RPL32: variants seen among roughly 807,000 people sequenced by gnomAD.
The protein encoded by RPL32 is ribosomal protein L32, also known as large ribosomal subunit protein eL32.
For missense variants in RPL32, 117 were observed against 173.7 expected (o/e 0.67, Z 1.83); for synonymous variants, 61 against 62.6 (o/e 0.98, Z 0.12).
At position 12,834,661 on chromosome 3, in the gene RPL32, C is replaced by G. The variant is rs954557402; in HGVS notation, c.*1433G>C. The G allele has an allele frequency of 6.6e-5, 10 of 152,438 alleles. No individual in the cohort carries two copies. Among genetic ancestry groups the G allele is most frequent in the African/African-American group, 2.4e-4 (10 of 41,440 alleles). The allele number at this position is 152,438 out of a possible 1,614,324, so 9.4% of individuals were successfully genotyped here. ...AATGGGCATCTTCCATGCCACCACCCAGGCATAACCAGTTGGTTTGTTTCC... is the reference window on the plus strand; with the variant it reads ...AATGGGCATCTTCCATGCCACCACCGAGGCATAACCAGTTGGTTTGTTTCC... On this transcript the variant is annotated 3_prime_UTR_variant, in exon 4 of 4. Transcript: ENST00000429711.
chr3:12,839,287 A>G (rs2062126008), intron 3 of RPL32, 62 bp downstream of exon 3: 6 of 1,492,068 alleles, frequency 4.0e-6, no homozygotes, highest in Non-Finnish European at 5.6e-6. Flanking sequence ...AGTTCCTGCC[A>G]GAAGTGCTCA....
chr3:12,839,569 A>T lies in RPL32; in HGVS notation c.97-39T>A. The T allele has an allele frequency of 4.4e-6, 7 of 1,599,616 alleles. No individual in the cohort carries two copies. The Admixed American group carries it at 1.2e-4, about 27-fold the overall frequency. On this transcript the variant is annotated intron_variant, in intron 2 of 3. Coordinates refer to ENST00000429711, the MANE Select transcript of RPL32 (RefSeq NM_000994.4). ...TACACAGGTGGGTTAGCGTCTGTGC[A>T]GAGTGCGAACTCTTCCTTTTGGGGA...
rs1317620057 is a variant in RPL32 at position 12,834,916 on chromosome 3, AATG to A, written c.*1175_*1177del. 6.6e-6 allele frequency: 1 copy of A among 152,066 alleles called. No homozygotes were observed. The highest frequency in any genetic ancestry group is 1.5e-5 in the Non-Finnish European group (1 of 68,004). The allele number at this position is 152,066 out of a possible 1,614,324, so 9.4% of individuals were successfully genotyped here. ...CACTGCACTCCAGCCGGGGTGACAG[AATG>A]AGTCTCAAAAACAAAATCCCAAAAA... On this transcript the variant is annotated 3_prime_UTR_variant, in exon 4 of 4. Transcript: ENST00000429711.
At position 12,836,048 on chromosome 3, in the gene RPL32, G is replaced by A; in HGVS notation, c.*46C>T. On this transcript the variant is annotated 3_prime_UTR_variant, in exon 4 of 4. Transcript: ENST00000429711. The stretch of plus-strand genomic sequence containing the variant: ...AAATCAAGGAAGGAAGATGCCAGAT[G>A]GCAGTTTTTACATTTATTTAAACAG... The A allele has an allele frequency of 6.2e-7, 1 of 1,600,566 alleles. No homozygotes were observed.
rs962379065 is a variant in RPL32, at chr3:12,835,618, T to C, written c.*476A>G. The C allele has an allele frequency of 1.2e-5, 2 of 160,578 alleles. No individual in the cohort carries two copies. Among genetic ancestry groups the C allele is most frequent in the Admixed American group, 1.2e-4 (2 of 16,790 alleles). The allele number at this position is 160,578 out of a possible 1,614,324, so 9.9% of individuals were successfully genotyped here. On this transcript the variant is annotated 3_prime_UTR_variant, in exon 4 of 4. Transcript: ENST00000429711. ...AATTTGTACATCATCCTGTTCTTTT[T>C]GGACAGAAGTTACAGGATGCAATTT...
intron 3 of RPL32, among the ~76,000 whole-genome samples, chr3:12,837,282 A>G (rs2062107353): frequency 6.6e-6 from 1 of 151,492 alleles, no homozygotes; most frequent in African/African-American, 2.4e-5. Context: ...GCACTCTACA[A>G]TTCTCTCATT....
Position 12,840,175 on chromosome 3 carries a change from G to T in RPL32, c.63C>A (p.Ile21=). The change falls in exon 2 of 4, where the codon ATC becomes ATA. Residue 21 remains isoleucine, a synonymous_variant. Coordinates refer to ENST00000429711, the MANE Select transcript of RPL32 (RefSeq NM_000994.4). ...TGACATATCGGTCTGACTGGTGCCG[G>T]ATGAACTTCTTGGTTCTCTTTTTGA... The part of the protein sequence containing the change: ...KIVKKRTKKF[I]RHQSDRYVKI... 6.2e-7 allele frequency: 1 copy of T among 1,614,036 alleles called. No homozygotes were observed. The highest frequency in any genetic ancestry group is 8.5e-7 in the Non-Finnish European group (1 of 1,179,880).
Position 12,835,058 on chromosome 3 carries a change from T to A in RPL32, c.*1036A>T, listed in dbSNP as rs2062088713. The A allele has an allele frequency of 6.6e-6, 1 of 152,248 alleles. No homozygotes were observed. Among genetic ancestry groups the A allele is most frequent in the Non-Finnish European group, 1.5e-5 (1 of 68,044 alleles). The allele number at this position is 152,248 out of a possible 1,614,324, so 9.4% of individuals were successfully genotyped here. ...TTTATTATACCCAGCGCAGCATTTCTGCTAAGTTGACCAGGATGGTTACAG... is the reference window on the plus strand; with the variant it reads ...TTTATTATACCCAGCGCAGCATTTCAGCTAAGTTGACCAGGATGGTTACAG... On this transcript the variant is annotated 3_prime_UTR_variant, in exon 4 of 4. Coordinates refer to ENST00000429711, the MANE Select transcript of RPL32 (RefSeq NM_000994.4).
At chr3:12,838,913 C>T (rs1458092750) in intron 3 of RPL32, 5 of 221,894 alleles carry the variant, frequency 2.3e-5, no homozygotes, top group Non-Finnish European at 4.5e-5. Context: ...GACACATATT[C>T]TTAGGGTCTC....
chr3:12,836,442 A>G (rs1372883503), intron 3 of RPL32, among the ~76,000 whole-genome samples: 1 of 152,168 alleles, frequency 6.6e-6, no homozygotes, highest in Non-Finnish European at 1.5e-5. Context: ...TCTCATCCTT[A>G]TAGCAGCCTT....
chr3:12,839,077 G>A, intron 3 of RPL32: 1 of 530,264 alleles, frequency 1.9e-6, no homozygotes, highest in Non-Finnish European at 3.4e-6. Context: ...AGTGGAAAGT[G>A]GCTATTATTG....
rs1553640300 is a variant in RPL32 at position 12,839,596 on chromosome 3, G to A, written c.97-66C>T. 8.9e-6 allele frequency: 13 copies of A among 1,459,302 alleles called. No homozygotes were observed. The South Asian group carries it at 1.3e-4, about 14-fold the overall frequency. 90.4% of individuals were successfully genotyped at this position (1,459,302 alleles called of 1,614,324 possible). ...AGTGCGAACTCTTCCTTTTGGGGAG[G>A]GAAAAAAAGGACCAAATGAAAAGGA... is the stretch of plus-strand genomic sequence containing the variant. On this transcript the variant is annotated intron_variant, in intron 2 of 3. Coordinates refer to ENST00000429711, the MANE Select transcript of RPL32 (RefSeq NM_000994.4).
At chr3:12,840,278 T>G (rs375436042) in intron 1 of RPL32, 36 bp from the exon 2 acceptor site, 68 of 1,470,096 alleles carry the variant, frequency 4.6e-5, no homozygotes, top group Non-Finnish European at 5.9e-5. Context: ...TGAGGAAGAA[T>G]CCTGGAAGGA....
At chr3:12,838,759 AT>A in intron 3 of RPL32, among the ~76,000 whole-genome samples, 1 of 152,160 alleles carries the variant, frequency 6.6e-6, no homozygotes, top group South Asian at 2.1e-4. Flanking sequence ...GTGATAACCA[AT>A]TCTCGACGAG....
intron 1 of RPL32, chr3:12,840,624 CTT>C (rs1449629856): frequency 9.4e-6 from 4 of 425,368 alleles, no homozygotes; most frequent in African/African-American, 8.1e-5. Flanking sequence ...GAACCTGAGT[CTT>C]TTCCTCACCT....
At chr3:12,836,351 A>C in intron 3 of RPL32, 128 bp from the exon 4 acceptor site, 2 of 1,092,376 alleles carry the variant, frequency 1.8e-6, no homozygotes, top group South Asian at 2.9e-5. Context: ...GTGGAATGAC[A>C]CCTACATGCC....
chr3:12,838,334 C>T (rs1053767675), intron 3 of RPL32, among the ~76,000 whole-genome samples: 2 of 152,108 alleles, frequency 1.3e-5, no homozygotes, highest in African/African-American at 4.8e-5. Context: ...TGAAACTGGG[C>T]GGTGGAGGTT....
intron 3 of RPL32, among the ~76,000 whole-genome samples, chr3:12,838,655 A>G (rs1462126174): frequency 6.6e-6 from 1 of 150,740 alleles, no homozygotes; most frequent in African/African-American, 2.5e-5. Context: ...ATAAAATTCA[A>G]AGGCCCCCAG....
chr3:12,839,266 A>G (rs1311999186), intron 3 of RPL32, 83 bp downstream of exon 3: 3 of 1,311,002 alleles, frequency 2.3e-6, no homozygotes, highest in African/African-American at 1.5e-5. Context: ...ATGCATCCCA[A>G]GAGTTTGTAG....
Sources: gnomAD v4.1 joint callset for allele counts (sites outside exome capture counted in the v4.1 genomes callset) on GRCh38, gnomAD v4.1.1 for gene constraint, MANE v1.5 for transcripts, NCBI Gene and HGNC (gene_info 2026-07-23, HGNC 2026-07-21) for gene names.